Variants in CPVL observed in about 807,000 individuals in gnomAD.
CPVL encodes the protein carboxypeptidase vitellogenic like.
In CPVL, 51 loss-of-function variants were observed where a neutral mutation model predicts 63.7. That is an observed-to-expected ratio of 0.80 (90% CI 0.64 to 1.01). The LOEUF (loss-of-function observed/expected upper bound fraction) is 1.01. CPVL is among the 50% of genes least tolerant of loss of function. The probability of loss-of-function intolerance (pLI) is 0.00; values close to 1 mark genes in which losing one functional copy is unlikely to be tolerated. For missense variants in CPVL, 530 were observed against 573.1 expected (o/e 0.92, Z 0.77); for synonymous variants, 195 against 206.0 (o/e 0.95, Z 0.46).
chr7:29,191,667 A>G (rs1253676955), intron 1 of CPVL: 1 of 152,268 alleles, frequency 6.6e-6, no homozygotes, highest in Non-Finnish European at 1.5e-5. Context: ...ATATTTGAAG[A>G]AAAAAGGCAG....
intron 7 of CPVL, among the ~76,000 whole-genome samples, chr7:29,075,495 C>A (rs773924158): frequency 2.1e-4 from 25 of 120,136 alleles, no homozygotes; most frequent in Non-Finnish European, 3.3e-4. Flanking sequence ...TCAACGAAAT[C>A]TTTTCTATTG....
chr7:29,148,859 T>G (rs245884), upstream of CPVL, among the ~76,000 whole-genome samples: 82,829 of 151,596 alleles, frequency 0.55, 23,159 homozygotes, highest in African/African-American at 0.67. Context: ...AGTGTGTGTG[T>G]GGGGGAACAG....
At chr7:29,146,952 G>T (rs1210084508), upstream of CPVL, 1 of 1,551,068 alleles carries the variant, frequency 6.4e-7, no homozygotes, top group South Asian at 1.2e-5. Flanking sequence ...CATTCCAGCT[G>T]CACTAGCAGT....
chr7:29,174,796 G>T (rs1338087774), intron 5 of CPVL, among the ~76,000 whole-genome samples: 2 of 151,508 alleles, frequency 1.3e-5, no homozygotes, highest in East Asian at 3.9e-4. Context: ...AGAGGTGGAG[G>T]TTGCAGTGAG....
chr7:29,047,834 A>G (rs1285087787), intron 11 of CPVL, among the ~76,000 whole-genome samples: 1 of 152,248 alleles, frequency 6.6e-6, no homozygotes, highest in African/African-American at 2.4e-5. Context: ...TCAGGTTAAC[A>G]GCAGATTTCT....
intron 2 of CPVL, among the ~76,000 whole-genome samples, chr7:29,185,835 C>T (rs1798642532): frequency 6.6e-6 from 1 of 152,134 alleles, no homozygotes; most frequent in Non-Finnish European, 1.5e-5. Flanking sequence ...TGTGAATCTG[C>T]ATTTTAGCAA....
intron 11 of CPVL, among the ~76,000 whole-genome samples, chr7:29,034,908 A>G (rs1473718702): frequency 6.6e-6 from 1 of 151,498 alleles, no homozygotes; most frequent in Non-Finnish European, 1.5e-5. Flanking sequence ...TCAGTTTGGC[A>G]AAAGATGAGT....
At chr7:29,072,231 C>T (rs903142240) in intron 8 of CPVL, 70 bp downstream of exon 8, 1 of 1,550,394 alleles carries the variant, frequency 6.4e-7, no homozygotes, top group South Asian at 1.2e-5. Flanking sequence ...CTAAGAGGAG[C>T]CTTCCATCTG....
chr7:29,149,316 C>T (rs1473781489), upstream of CPVL, among the ~76,000 whole-genome samples: 5 of 151,514 alleles, frequency 3.3e-5, no homozygotes, highest in Non-Finnish European at 5.9e-5. Flanking sequence ...TTCAGCCCCC[C>T]GAGTAAGCTG....
At chr7:29,037,310 C>G (rs919104244) in intron 11 of CPVL, among the ~76,000 whole-genome samples, 3 of 151,394 alleles carry the variant, frequency 2.0e-5, no homozygotes, top group Non-Finnish European at 4.4e-5. Context: ...TTTGGGAGGC[C>G]GAGGTGGGCG....
chr7:29,180,543 CA>C (rs10713261), intron 5 of CPVL, among the ~76,000 whole-genome samples: 17,908 of 134,660 alleles, frequency 0.13, 1,176 homozygotes, highest in East Asian at 0.25. Flanking sequence ...GACTCCATCT[CA>C]AAAAAAAAAA....
rs533083470 is a variant in CPVL at position 29,136,712 on chromosome 7, T to C, written c.-11+9717A>G. Among the ~76,000 whole-genome samples the C allele has an allele frequency of 8.5e-5, 13 of 152,288 alleles. No homozygotes were observed. The East Asian group carries it at 2.5e-3, about 29-fold the overall frequency. On this transcript the variant is annotated intron_variant, in intron 1 of 12. Transcript: ENST00000265394. ...ATTTTTTATCATGAGAATTATAACA[T>C]TACTTTTATTATATTGACAAAAATC...
chr7:29,129,035 G>T (rs562052472), intron 1 of CPVL, among the ~76,000 whole-genome samples: 2 of 152,280 alleles, frequency 1.3e-5, no homozygotes, highest in South Asian at 4.2e-4. Context: ...GAGACCACTG[G>T]AGAGTTTAGA....
intron 5 of CPVL, among the ~76,000 whole-genome samples, chr7:29,174,690 A>T (rs1797046608): frequency 6.6e-6 from 1 of 152,138 alleles, no homozygotes; most frequent in South Asian, 2.1e-4. Flanking sequence ...GTGAAACCCC[A>T]TCTATGCTAA....
intron 5 of CPVL, among the ~76,000 whole-genome samples, chr7:29,161,225 G>A (rs1211729162): frequency 6.6e-6 from 1 of 152,138 alleles, no homozygotes; most frequent in Non-Finnish European, 1.5e-5. Flanking sequence ...ATGAGGGTTT[G>A]TGCAGGGAAA....
chr7:29,193,347 T>C (rs1783141821), intron 1 of CPVL: 1 of 152,150 alleles, frequency 6.6e-6, no homozygotes, highest in African/African-American at 2.4e-5. Flanking sequence ...GTATGTTAGG[T>C]CCTTGGTTGA....
intron 11 of CPVL, among the ~76,000 whole-genome samples, chr7:29,037,568 A>AAG (rs1554330895): frequency 8.5e-5 from 12 of 141,662 alleles, no homozygotes; most frequent in South Asian, 2.1e-4. Flanking sequence ...AAAAAAAAAA[A>AAG]AAAAGAAAAG....
At chr7:29,154,302 A>T (rs911304183) in intron 5 of CPVL, among the ~76,000 whole-genome samples, 4 of 152,192 alleles carry the variant, frequency 2.6e-5, no homozygotes, top group Non-Finnish European at 5.9e-5. Flanking sequence ...GCTGGAGATC[A>T]GGCCCCTCTC....
chr7:29,101,634 C>G (rs1393958092), intron 3 of CPVL, among the ~76,000 whole-genome samples: 1 of 151,974 alleles, frequency 6.6e-6, no homozygotes, highest in Non-Finnish European at 1.5e-5. Context: ...AAAACTTTTT[C>G]TATTATAAAA....
Sources: allele counts gnomAD v4.1 joint callset (sites outside exome capture counted in the v4.1 genomes callset), GRCh38; gene constraint gnomAD v4.1.1; transcripts MANE v1.5; gene names NCBI Gene and HGNC (gene_info 2026-07-23, HGNC 2026-07-21).